TMC1: variants seen among roughly 807,000 people sequenced by gnomAD.
TMC1 encodes transmembrane channel like 1, also known as transmembrane channel-like protein 1.
Under a neutral mutation model 105.8 loss-of-function variants are expected in TMC1, and 84 were observed. That is an observed-to-expected ratio of 0.79 (90% CI 0.67 to 0.95). The LOEUF (loss-of-function observed/expected upper bound fraction) is 0.95. Ranked by LOEUF, TMC1 falls within the 40% of genes least tolerant of loss-of-function variation. The pLI is 0.00. For synonymous variants in TMC1, 315 were observed against 311.5 expected (o/e 1.01, Z -0.12); for missense variants, 817 against 914.1 (o/e 0.89, Z 1.37).
intron 5 of TMC1, among the ~76,000 whole-genome samples, chr9:72,656,763 A>C (rs1825891042): frequency 6.6e-6 from 1 of 152,148 alleles, no homozygotes; most frequent in South Asian, 2.1e-4. Flanking sequence ...GTATTCCTTT[A>C]AATATTGTTG....
At chr9:72,806,693 T>G (rs1476737391) in intron 18 of TMC1, among the ~76,000 whole-genome samples, 1 of 150,222 alleles carries the variant, frequency 6.7e-6, no homozygotes, top group Non-Finnish European at 1.5e-5. Flanking sequence ...GCTCCTCACT[T>G]CCTAGATGTG....
chr9:72,778,006 C>G (rs1828032902), intron 13 of TMC1, among the ~76,000 whole-genome samples: 1 of 152,128 alleles, frequency 6.6e-6, no homozygotes, highest in Non-Finnish European at 1.5e-5. Context: ...GAGAACTATC[C>G]AGTACCTGGG....
chr9:72,752,252 C>A (rs978327175), intron 11 of TMC1, among the ~76,000 whole-genome samples: 1 of 152,034 alleles, frequency 6.6e-6, no homozygotes, highest in Non-Finnish European at 1.5e-5. Flanking sequence ...CCAAGGGGGT[C>A]CCTGTTCCTA....
At chr9:72,671,858 T>C (rs900933555) in intron 5 of TMC1, among the ~76,000 whole-genome samples, 3 of 152,250 alleles carry the variant, frequency 2.0e-5, no homozygotes, top group Non-Finnish European at 4.4e-5. Context: ...GGAGTATCAA[T>C]CATTATTTAT....
Position 72,830,652 on chromosome 9 carries a change from C to T in TMC1, c.2230C>T (p.Arg744Ter), listed in dbSNP as rs150738413. ...GTAGCAAGCTTTGGAGAACAAAATG[C>T]GAAACAAGAAAATGGCAGCTGCACG... is the stretch of plus-strand genomic sequence containing the variant. ...MKMQALENKM[R>*]NKKMAAARAA... Residue 744 changes from arginine (R) to a stop codon, truncating the protein, a stop_gained, in exon 23 of 24, where the codon CGA (arginine) becomes TGA (stop). Coordinates refer to ENST00000297784, the MANE Select transcript of TMC1 (RefSeq NM_138691.3). LOFTEE classifies it high-confidence loss of function. 44 of 1,612,834 alleles carry T rather than the reference C, an allele frequency of 2.7e-5. No individual in the cohort carries two copies. Among genetic ancestry groups the T allele is most frequent in the African/African-American group, 2.7e-4 (20 of 74,670 alleles).
At chr9:72,700,368 AT>A (rs1459788849) in intron 7 of TMC1, 149 bp from the exon 8 acceptor site, 1 of 501,386 alleles carries the variant, frequency 2.0e-6, no homozygotes, top group African/African-American at 2.0e-5. Context: ...CAGTGTTCAG[AT>A]TTGAGTTCTC....
At chr9:72,647,071 G>C (rs1159945073) in intron 4 of TMC1, among the ~76,000 whole-genome samples, 1 of 151,160 alleles carries the variant, frequency 6.6e-6, no homozygotes, top group Admixed American at 6.6e-5. Context: ...GAACCCAGGA[G>C]GTGGAGGTTG....
At position 72,701,231 on chromosome 9, in the gene TMC1, G is replaced by A. The variant is rs1826640587; in HGVS notation, c.362+588G>A. 2.0e-5 allele frequency among the ~76,000 whole-genome samples: 3 copies of A among 152,186 alleles called. No homozygotes were observed. In the South Asian group the frequency reaches 6.2e-4, roughly 31 times the overall value. On this transcript the variant is annotated intron_variant, in intron 8 of 23. Transcript: ENST00000297784. The stretch of plus-strand genomic sequence containing the variant: ...ATAGTAAATAGGATTCCAATTAAAG[G>A]TTATGCTAATAGCTATTCCCCGAAC...
intron 4 of TMC1, among the ~76,000 whole-genome samples, chr9:72,642,288 T>G (rs1825641533): frequency 6.6e-6 from 1 of 152,234 alleles, no homozygotes; most frequent in South Asian, 2.1e-4. Context: ...AACTACATAT[T>G]ATAGGGCCCC....
rs1826376360 is a variant in TMC1, at chr9:72,686,134, TAC to T, written c.17-2571_17-2570del. Among the ~76,000 whole-genome samples, 3 of 152,222 alleles carry T rather than the reference TAC, an allele frequency of 2.0e-5. No individual in the cohort carries two copies. In the South Asian group the frequency reaches 6.2e-4, roughly 32 times the overall value. On this transcript the variant is annotated intron_variant, in intron 5 of 23. Transcript: ENST00000297784. Reference sequence around the variant, plus strand: ...TCCTATTGCATATTCCTCTTTTAACTACACATACTTCAATGCAGTTTTGCTTG... The same window carrying T: ...TCCTATTGCATATTCCTCTTTTAACTACATACTTCAATGCAGTTTTGCTTG...
chr9:72,629,281 G>A (rs1171463427), intron 4 of TMC1, among the ~76,000 whole-genome samples: 4 of 152,140 alleles, frequency 2.6e-5, no homozygotes, highest in African/African-American at 7.2e-5. Flanking sequence ...GCCCCTCAAA[G>A]TCATGGCAAT....
intron 5 of TMC1, among the ~76,000 whole-genome samples, chr9:72,660,107 T>G (rs1266750002): frequency 1.3e-5 from 2 of 152,154 alleles, no homozygotes; most frequent in African/African-American, 4.8e-5. Context: ...GATGTTAATG[T>G]TCTCCTTTGC....
At chr9:72,807,665 T>C (rs1828627602) in intron 18 of TMC1, among the ~76,000 whole-genome samples, 4 of 152,208 alleles carry the variant, frequency 2.6e-5, no homozygotes, top group Admixed American at 2.6e-4. Context: ...TACTATCATA[T>C]GCCAGTCACT....
chr9:72,664,858 C>T (rs933218250), intron 5 of TMC1, among the ~76,000 whole-genome samples: 2 of 152,332 alleles, frequency 1.3e-5, no homozygotes, highest in South Asian at 2.1e-4. Flanking sequence ...AACACTTAAG[C>T]CATCTGCGGA....
chr9:72,785,159 A>T (rs1037038159), intron 13 of TMC1, among the ~76,000 whole-genome samples: 1 of 152,242 alleles, frequency 6.6e-6, no homozygotes, highest in Non-Finnish European at 1.5e-5. Flanking sequence ...TTACATTAGT[A>T]GCACCCTCTT....
chr9:72,822,626 T>A (rs1344719097), intron 20 of TMC1, among the ~76,000 whole-genome samples: 2 of 151,702 alleles, frequency 1.3e-5, no homozygotes, highest in African/African-American at 4.8e-5. Flanking sequence ...GAAATTACAG[T>A]CTTGATGAGA....
At chr9:72,730,827 T>C (rs1379095452) in intron 8 of TMC1, among the ~76,000 whole-genome samples, 1 of 152,186 alleles carries the variant, frequency 6.6e-6, no homozygotes, top group Non-Finnish European at 1.5e-5. Context: ...TAGATTCTCA[T>C]AAGGAGTTCA....
chr9:72,717,487 T>C (rs919338543), intron 8 of TMC1, among the ~76,000 whole-genome samples: 3 of 152,210 alleles, frequency 2.0e-5, no homozygotes, highest in African/African-American at 2.4e-5. Flanking sequence ...GCAGTTCTTA[T>C]AGTGCTGGCT....
Position 72,742,294 on chromosome 9 carries a change from C to T in TMC1, c.454-150C>T, listed in dbSNP as rs1827402247. 7.1e-6 allele frequency: 5 copies of T among 702,492 alleles called. No individual in the cohort carries two copies. In the Admixed American group the frequency reaches 1.0e-4, roughly 15 times the overall value. The allele number at this position is 702,492 out of a possible 1,614,324, so 43.5% of individuals were successfully genotyped here. ...GTGGAGAACAGGGAAACAAGTGAAA[C>T]CTACTGTTTCCCCCTTTGACTAGAA... On this transcript the variant is annotated intron_variant, in intron 9 of 23. Coordinates refer to ENST00000297784, the MANE Select transcript of TMC1 (RefSeq NM_138691.3).
Sources: allele counts gnomAD v4.1 joint callset (sites outside exome capture counted in the v4.1 genomes callset), GRCh38; gene constraint gnomAD v4.1.1; transcripts MANE v1.5; gene names NCBI Gene and HGNC (gene_info 2026-07-23, HGNC 2026-07-21).